FLNB: variants seen among roughly 807,000 people sequenced by gnomAD.
FLNB encodes filamin-B.
In FLNB, 111 loss-of-function variants were observed where a neutral mutation model predicts 250.6. The observed-to-expected ratio is 0.44, with a 90% confidence interval of 0.38 to 0.52. FLNB has a LOEUF of 0.52. Among genes scored for constraint, FLNB ranks in the 20% least tolerant of loss-of-function variants. The probability of loss-of-function intolerance (pLI) is 0.00; values close to 1 mark genes in which losing one functional copy is unlikely to be tolerated. For missense variants in FLNB, 2,869 were observed against 3,447.8 expected (o/e 0.83, Z 4.20); for synonymous variants, 1,302 against 1,372.1 (o/e 0.95, Z 1.13).
At position 58,081,688 on chromosome 3, in the gene FLNB, C is replaced by T. The variant is rs771387705; in HGVS notation, c.699C>T (p.Tyr233=). The T allele has an allele frequency of 1.9e-6, 3 of 1,614,068 alleles. No individual in the cohort carries two copies. The highest frequency in any genetic ancestry group is 2.2e-5 in the East Asian group (1 of 44,882). Residue 233 remains tyrosine, a synonymous_variant, in exon 4 of 46, where the codon TAC becomes TAT. Coordinates refer to ENST00000295956, the MANE Select transcript of FLNB (RefSeq NM_001457.4). ...PDVDEHSVMT[Y]LSQFPKAKLK... ...TGGACGAGCACTCAGTTATGACTTA[C>T]CTGTCCCAGTTCCCCAAAGCCAAGC...
chr3:58,056,716 G>A (rs966420027), intron 1 of FLNB, among the ~76,000 whole-genome samples: 2 of 151,762 alleles, frequency 1.3e-5, no homozygotes, highest in Non-Finnish European at 2.9e-5. Flanking sequence ...TCAGCCTCTC[G>A]AGTAGCTAGA....
rs59689498 is a variant in FLNB, at chr3:58,069,232, CTT to C, written c.293-7792_293-7791del. ...CTGATAAAATATCAGTAGTTCAATT[CTT>C]TTTTTTTTTTTTTTTTTTTTTCTGA... On this transcript the variant is annotated intron_variant, in intron 1 of 45. Coordinates refer to ENST00000295956, the MANE Select transcript of FLNB (RefSeq NM_001457.4). 8.2e-3 allele frequency among the ~76,000 whole-genome samples: 710 copies of C among 86,336 alleles called. 2 individuals are homozygous for C. The highest frequency in any genetic ancestry group is 0.032 in the African/African-American group (639 of 19,904). 56.6% of individuals were successfully genotyped at this position (86,336 alleles called of 152,430 possible).
chr3:58,043,008 A>G (rs1576625467), intron 1 of FLNB, among the ~76,000 whole-genome samples: 1 of 152,106 alleles, frequency 6.6e-6, no homozygotes, highest in African/African-American at 2.4e-5. Flanking sequence ...CTTCTCATCA[A>G]TTCTTCTGAT....
At chr3:58,086,327 G>A (rs1243093216) in intron 4 of FLNB, among the ~76,000 whole-genome samples, 1 of 151,902 alleles carries the variant, frequency 6.6e-6, no homozygotes, top group African/African-American at 2.4e-5. Flanking sequence ...AAATCCATTT[G>A]CTTATATCAG....
chr3:58,079,255 A>ATTT (rs11373019), intron 3 of FLNB, among the ~76,000 whole-genome samples: 1 of 146,306 alleles, frequency 6.8e-6, no homozygotes. Context: ...AGGACTTAAA[A>ATTT]TTTTTTTTTT....
intron 1 of FLNB, among the ~76,000 whole-genome samples, chr3:58,056,886 G>A (rs903987222): frequency 2.6e-5 from 4 of 152,236 alleles, no homozygotes; most frequent in Non-Finnish European, 4.4e-5. Context: ...ACCACGCCCT[G>A]TGACTAACTC....
At position 58,098,884 on chromosome 3, in the gene FLNB, C is replaced by A. The variant is rs745588918; in HGVS notation, c.1321C>A (p.Pro441Thr). The change falls in exon 8 of 46, where the codon CCC becomes ACC. Residue 441 changes from proline (P) to threonine (T), a missense_variant. Pro to Thr is a conservative substitution (Grantham distance 38). Transcript: ENST00000295956. ...TGCTGGGGACACTATTCCTAAGAGT[C>A]CCTTCGTTGTGCAGGTTGGGGAAGG... ...FFAGDTIPKS[P>T]FVVQVGEACN... The A allele has an allele frequency of 2.5e-6, 4 of 1,613,938 alleles. No homozygotes were observed. The highest frequency in any genetic ancestry group is 1.7e-5 in the Admixed American group (1 of 59,992).
intron 1 of FLNB, among the ~76,000 whole-genome samples, chr3:58,048,833 A>AT (rs1242698045): frequency 3.9e-4 from 60 of 152,298 alleles, no homozygotes; most frequent in African/African-American, 1.4e-3. Flanking sequence ...ATGTGTGTTA[A>AT]TTTTTATTTT....
intron 28 of FLNB, among the ~76,000 whole-genome samples, chr3:58,137,734 T>C (rs939214849): frequency 1.4e-4 from 22 of 152,240 alleles, no homozygotes; most frequent in Admixed American, 6.5e-5. Flanking sequence ...GGTTCAGCCA[T>C]GTTTCCTTTC....
chr3:58,155,493 G>C (rs143239275), intron 40 of FLNB, among the ~76,000 whole-genome samples: 178 of 152,340 alleles, frequency 1.2e-3, no homozygotes, highest in African/African-American at 4.0e-3. Flanking sequence ...TTTGGTGACA[G>C]TATATTAACT....
rs1441962467 is a variant in FLNB, at chr3:58,168,500, C to A, written c.7259C>A (p.Thr2420Asn). 14 of 1,614,106 alleles carry A rather than the reference C, an allele frequency of 8.7e-6. No homozygotes were observed. The highest frequency in any genetic ancestry group is 1.2e-5 in the Non-Finnish European group (14 of 1,180,028). ...GCAGGTCCAGGGACATTATCCGTCA[C>A]CATCGAAGGCCCATCCAAGGTTAAA... ...TRAGPGTLSV[T>N]IEGPSKVKMD... The change falls in exon 44 of 46, where the codon ACC (threonine) becomes AAC (asparagine). Residue 2420 changes from threonine (T) to asparagine (N), a missense_variant. By Grantham distance (65) the Thr-to-Asn change is moderately conservative. Around this residue, in one of 5 missense-constraint regions of FLNB, gnomAD observed 1,084 missense variants for 1,315.5 expected, o/e 0.82. Coordinates refer to ENST00000295956, the MANE Select transcript of FLNB (RefSeq NM_001457.4).
intron 4 of FLNB, among the ~76,000 whole-genome samples, chr3:58,092,764 C>T (rs1221865865): frequency 6.6e-6 from 1 of 152,238 alleles, no homozygotes; most frequent in Non-Finnish European, 1.5e-5. Context: ...ATGAGAGCCA[C>T]TGTTTTTCCT....
At position 58,008,475 on chromosome 3, in the gene FLNB, T is replaced by C; in HGVS notation, c.-90T>C. ...CAGCAAGTTCGAACCCCGCTCCCGCTCCGCTTCGGTTCTCGCTCCTTCGGC... is the reference window on the plus strand; with the variant it reads ...CAGCAAGTTCGAACCCCGCTCCCGCCCCGCTTCGGTTCTCGCTCCTTCGGC... On this transcript the variant is annotated 5_prime_UTR_variant, in exon 1 of 46. Transcript: ENST00000295956. 1.4e-6 allele frequency: 2 copies of C among 1,456,834 alleles called. No homozygotes were observed. Among genetic ancestry groups the C allele is most frequent in the Non-Finnish European group, 1.9e-6 (2 of 1,063,884 alleles). The allele number at this position is 1,456,834 out of a possible 1,614,324, so 90.2% of individuals were successfully genotyped here.
At chr3:58,097,525 C>T (rs2097241070) in intron 6 of FLNB, among the ~76,000 whole-genome samples, 1 of 152,232 alleles carries the variant, frequency 6.6e-6, no homozygotes, top group Non-Finnish European at 1.5e-5. Context: ...ACTCAATGTC[C>T]AGAGATTGAA....
intron 1 of FLNB, among the ~76,000 whole-genome samples, chr3:58,042,271 GCT>G (rs2097147078): frequency 6.6e-6 from 1 of 151,702 alleles, no homozygotes; most frequent in Non-Finnish European, 1.5e-5. Context: ...ATTTGCATTA[GCT>G]CTGTTTGATT....
intron 1 of FLNB, among the ~76,000 whole-genome samples, chr3:58,044,113 A>G (rs2106812464): frequency 6.6e-6 from 1 of 152,206 alleles, no homozygotes; most frequent in African/African-American, 2.4e-5. Flanking sequence ...TTCGGCTTGG[A>G]TTGAGTCAGG....
intron 12 of FLNB, among the ~76,000 whole-genome samples, chr3:58,107,106 T>C (rs1363275793): frequency 6.6e-6 from 1 of 152,206 alleles, no homozygotes; most frequent in Non-Finnish European, 1.5e-5. Flanking sequence ...CACAGCTCAC[T>C]GGAACCTCTG....
rs1444661833 is a variant in FLNB, at chr3:58,106,658, CCCTT to C, written c.1748-19_1748-16del. 2 of 1,611,178 alleles carry C rather than the reference CCCTT, an allele frequency of 1.2e-6. No homozygotes were observed. Among genetic ancestry groups the C allele is most frequent in the Non-Finnish European group, 1.7e-6 (2 of 1,177,514 alleles). On this transcript the variant is annotated intron_variant, in intron 11 of 45. Coordinates refer to ENST00000295956, the MANE Select transcript of FLNB (RefSeq NM_001457.4). The stretch of plus-strand genomic sequence containing the variant: ...GCTTTCCACCATATAACCAGGGAGA[CCCTT>C]CCACCTCCACCCCCTAGGGTTTGCC...
chr3:58,092,932 A>T (rs1163874308), intron 4 of FLNB, among the ~76,000 whole-genome samples: 1 of 152,286 alleles, frequency 6.6e-6, no homozygotes, highest in East Asian at 1.9e-4. Flanking sequence ...CCTATAATCA[A>T]TTCCCTTCAA....
Sources: gnomAD v4.1 joint callset for allele counts (sites outside exome capture counted in the v4.1 genomes callset) on GRCh38, gnomAD v4.1.1 for gene constraint, gnomAD v4.1.1 regional missense constraint, MANE v1.5 for transcripts, NCBI Gene and HGNC (gene_info 2026-07-23, HGNC 2026-07-21) for gene names.